BAIAP2: variants seen among roughly 807,000 people sequenced by gnomAD.
The protein encoded by BAIAP2 is BAR/IMD domain containing adaptor protein 2.
Under a neutral mutation model 63.0 loss-of-function variants are expected in BAIAP2, and 18 were observed. The observed-to-expected ratio is 0.29, with a 90% CI of 0.20 to 0.42. BAIAP2 has a LOEUF of 0.42. BAIAP2 is among the 10% of genes least tolerant of loss of function. The pLI is 1.00. For synonymous variants in BAIAP2, 386 were observed against 307.6 expected, an observed-to-expected ratio of 1.25 and a Z score of -2.67; for missense variants, 610 against 734.3, an observed-to-expected ratio of 0.83 and a Z score of 1.96.
chr17:81,052,228 C>G (rs1209016096), intron 1 of BAIAP2, among the ~76,000 whole-genome samples: 4 of 152,254 alleles, frequency 2.6e-5, no homozygotes, highest in Non-Finnish European at 5.9e-5. Flanking sequence ...GAAAGTGCTT[C>G]CCTGCCTGCC....
intron 3 of BAIAP2, among the ~76,000 whole-genome samples, chr17:81,058,962 A>G (rs2050086495): frequency 6.6e-6 from 1 of 152,080 alleles, no homozygotes; most frequent in Admixed American, 6.5e-5. Context: ...CAGCTCCCAG[A>G]AGAGGCTCCG....
At chr17:81,055,434 C>T (rs2049316565) in intron 2 of BAIAP2, among the ~76,000 whole-genome samples, 1 of 152,190 alleles carries the variant, frequency 6.6e-6, no homozygotes, top group Non-Finnish European at 1.5e-5. Context: ...GCCCCCATGG[C>T]TGCCCCAGCA....
At chr17:81,059,225 C>T (rs938512297) in intron 3 of BAIAP2, among the ~76,000 whole-genome samples, 7 of 152,212 alleles carry the variant, frequency 4.6e-5, no homozygotes, top group Admixed American at 3.3e-4. Flanking sequence ...CTCGAGGCAC[C>T]GCTGTGCTGA....
At chr17:81,062,700 T>C (rs994363831) in intron 3 of BAIAP2, among the ~76,000 whole-genome samples, 2 of 151,822 alleles carry the variant, frequency 1.3e-5, no homozygotes, top group Non-Finnish European at 2.9e-5. Context: ...TTTTTTTTTT[T>C]TTTTCGGTTA....
rs775350782 is a variant in BAIAP2 at position 81,103,714 on chromosome 17, G to A, written c.855G>A (p.Pro285=). The change falls in exon 8 of 14, where the codon CCG becomes CCA. Residue 285 remains proline (P), a synonymous_variant. Transcript: ENST00000428708. ...TGCCGGTGCCCCCCGAGCTGGCACC[G>A]TTCGTGGGGGTGAGTCTGTGGCCTC... ...KPLPVPPELA[P]FVGRMSAQES... The A allele has an allele frequency of 2.4e-5, 38 of 1,579,052 alleles. No homozygotes were observed. Among genetic ancestry groups the A allele is most frequent in the Non-Finnish European group, 2.8e-5 (33 of 1,163,692 alleles).
At chr17:81,075,337 C>T (rs1156996659) in intron 3 of BAIAP2, among the ~76,000 whole-genome samples, 1 of 152,214 alleles carries the variant, frequency 6.6e-6, no homozygotes, top group African/African-American at 2.4e-5. Context: ...TCTCCCCAGC[C>T]CTCCCAGTCT....
intron 13 of BAIAP2, chr17:81,110,810 G>A: frequency 6.8e-7 from 1 of 1,464,310 alleles, no homozygotes. Flanking sequence ...GAGTGCTCCA[G>A]GGTTCTAGGT....
intron 1 of BAIAP2, among the ~76,000 whole-genome samples, chr17:81,040,036 A>G (rs763387501): frequency 1.3e-5 from 2 of 151,322 alleles, no homozygotes; most frequent in Admixed American, 6.6e-5. Context: ...CCAGCCTTGC[A>G]TGGCCCTCTC....
intron 1 of BAIAP2, among the ~76,000 whole-genome samples, chr17:81,042,589 G>A (rs1171873843): frequency 1.3e-5 from 2 of 152,104 alleles, no homozygotes; most frequent in South Asian, 2.1e-4. Context: ...GTCAGCAGGT[G>A]GGCCATGCCA....
intron 6 of BAIAP2, among the ~76,000 whole-genome samples, chr17:81,098,462 C>T (rs1249978318): frequency 6.6e-6 from 1 of 151,874 alleles, no homozygotes; most frequent in African/African-American, 2.4e-5. Context: ...GTAACTAATA[C>T]AGTTGACCAC....
intron 3 of BAIAP2, among the ~76,000 whole-genome samples, chr17:81,074,456 C>T (rs564550048): frequency 1.4e-5 from 2 of 147,768 alleles, no homozygotes; most frequent in Admixed American, 6.8e-5. Flanking sequence ...ATGTGAGTGC[C>T]AGTGTGTGTG....
intron 6 of BAIAP2, among the ~76,000 whole-genome samples, chr17:81,091,294 T>C (rs1229930890): frequency 6.6e-6 from 1 of 151,334 alleles, no homozygotes; most frequent in Non-Finnish European, 1.5e-5. Context: ...GAAGTCCTGC[T>C]GGTTGCAGGG....
At chr17:81,083,518 C>T (rs1037053017) in intron 3 of BAIAP2, 1 of 152,232 alleles carries the variant, frequency 6.6e-6, no homozygotes, top group African/African-American at 2.4e-5. Flanking sequence ...GGAAATGGAG[C>T]CATTTGCCGC....
chr17:81,097,261 G>T (rs1333761827), intron 6 of BAIAP2, among the ~76,000 whole-genome samples: 1 of 152,224 alleles, frequency 6.6e-6, no homozygotes, highest in Non-Finnish European at 1.5e-5. Flanking sequence ...GGCTGCAAGG[G>T]CAGGGGAGCG....
At chr17:81,104,156 C>CTCAG (rs778346573) in intron 9 of BAIAP2, 48 bp downstream of exon 9, 1 of 1,596,492 alleles carries the variant, frequency 6.3e-7, no homozygotes, top group South Asian at 1.1e-5. Context: ...GACGTGCCTC[C>CTCAG]TCAGACCCTA....
chr17:81,074,704 A>G (rs1156918056), intron 3 of BAIAP2, among the ~76,000 whole-genome samples: 1 of 147,742 alleles, frequency 6.8e-6, no homozygotes, highest in Non-Finnish European at 1.5e-5. Context: ...GCATGCACGG[A>G]TGCGTGTCTG....
chr17:81,087,483 T>TC (rs1350385752), intron 6 of BAIAP2: 4 of 152,192 alleles, frequency 2.6e-5, no homozygotes, highest in Non-Finnish European at 5.9e-5. Flanking sequence ...CGGTTCCTGC[T>TC]CAGAGCCTGT....
At chr17:81,085,307 C>T (rs1445747080) in intron 4 of BAIAP2, 4 of 523,006 alleles carry the variant, frequency 7.6e-6, no homozygotes, top group Non-Finnish European at 1.1e-5. Flanking sequence ...AGGGGTCTGA[C>T]CCTGGTGTCA....
chr17:81,110,912 A>G, intron 13 of BAIAP2: 2 of 1,613,656 alleles, frequency 1.2e-6, no homozygotes, highest in Non-Finnish European at 1.7e-6. Context: ...GTTTCCTTGC[A>G]GCGCCGATGT....
Sources: allele counts gnomAD v4.1 joint callset (sites outside exome capture counted in the v4.1 genomes callset), GRCh38; gene constraint gnomAD v4.1.1; transcripts MANE v1.5; gene names NCBI Gene and HGNC (gene_info 2026-07-23, HGNC 2026-07-21).